Variants in SLC17A1 observed in about 807,000 individuals in gnomAD.
The protein encoded by SLC17A1 is sodium-dependent phosphate transport protein 1.
Under a neutral mutation model 53.5 loss-of-function variants are expected in SLC17A1, and 51 were observed. The ratio of observed to expected loss-of-function variants is 0.95; its 90% CI spans 0.76 to 1.20. SLC17A1 has a LOEUF of 1.20. SLC17A1 is among the 50% of genes most tolerant of loss of function. SLC17A1 has a pLI of 0.00. For missense variants in SLC17A1, 538 were observed against 568.2 expected, an observed-to-expected ratio of 0.95 and a Z score of 0.54; for synonymous variants, 179 against 198.8, an observed-to-expected ratio of 0.90 and a Z score of 0.84.
At chr6:25,726,891 C>T in the SLC17A1 span, 20 of 1,603,736 alleles carry the variant, frequency 1.2e-5, no homozygotes, top group South Asian at 2.3e-5. Context: ...TGTAACGCTG[C>T]AGAAGTGTGT....
At chr6:25,733,260 G>A in the SLC17A1 span, among the ~76,000 whole-genome samples, 1 of 152,174 alleles carries the variant, frequency 6.6e-6, no homozygotes, top group Non-Finnish European at 1.5e-5. Context: ...AAAATAATGT[G>A]AAGATGGGGA....
chr6:25,770,492 C>G, the SLC17A1 span: 1 of 1,607,242 alleles, frequency 6.2e-7, no homozygotes, highest in East Asian at 2.2e-5. Flanking sequence ...CCCTAAACCT[C>G]ACTTTACATG....
downstream of SLC17A1, among the ~76,000 whole-genome samples, chr6:25,778,323 GA>G (rs1763110552): frequency 6.6e-6 from 1 of 151,328 alleles, no homozygotes; most frequent in Non-Finnish European, 1.5e-5. Flanking sequence ...GAAAGTTAAA[GA>G]ATGACTTTCC....
the SLC17A1 span, among the ~76,000 whole-genome samples, chr6:25,728,189 G>A: frequency 3.3e-5 from 5 of 152,186 alleles, no homozygotes; most frequent in Non-Finnish European, 7.4e-5. Flanking sequence ...AGGAAGTTAC[G>A]TTTTGTGCCA....
At chr6:25,806,990 C>T (rs1763978681) in intron 10 of SLC17A1, among the ~76,000 whole-genome samples, 1 of 152,072 alleles carries the variant, frequency 6.6e-6, no homozygotes, top group African/African-American at 2.4e-5. Context: ...TACCTTACTC[C>T]TGGAAGAATG....
chr6:25,812,365 C>G (rs911850517), intron 8 of SLC17A1, among the ~76,000 whole-genome samples: 1 of 152,126 alleles, frequency 6.6e-6, no homozygotes, highest in African/African-American at 2.4e-5. Flanking sequence ...ATTCTCCAAG[C>G]CAGATGAGCA....
At chr6:25,783,620 G>C (rs186078983) in intron 12 of SLC17A1, among the ~76,000 whole-genome samples, 1 of 152,174 alleles carries the variant, frequency 6.6e-6, no homozygotes, top group African/African-American at 2.4e-5. Flanking sequence ...CACACCAGTG[G>C]GGTTTGACAC....
At chr6:25,743,092 A>C in the SLC17A1 span, among the ~76,000 whole-genome samples, 6 of 152,214 alleles carry the variant, frequency 3.9e-5, no homozygotes, top group Non-Finnish European at 7.3e-5. Context: ...AATGAATGAG[A>C]ATCATCTCCA....
chr6:25,804,565 C>T (rs949139369), intron 10 of SLC17A1, among the ~76,000 whole-genome samples: 2 of 152,012 alleles, frequency 1.3e-5, no homozygotes, highest in African/African-American at 4.8e-5. Context: ...GGTCTAAATG[C>T]TCCACTTAAA....
chr6:25,731,859 A>T, the SLC17A1 span: 11 of 1,602,992 alleles, frequency 6.9e-6, no homozygotes, highest in Non-Finnish European at 9.4e-6. Flanking sequence ...CCCAGGCAGC[A>T]GCAGGCGCAC....
the SLC17A1 span, chr6:25,726,983 AAAGG>A: frequency 6.8e-6 from 11 of 1,614,074 alleles, no homozygotes; most frequent in African/African-American, 1.5e-4. Context: ...AGACCCAGAA[AAAGG>A]AAGGCAAAAA....
the SLC17A1 span, among the ~76,000 whole-genome samples, chr6:25,775,297 A>G: frequency 1.3e-5 from 2 of 149,306 alleles, no homozygotes; most frequent in Non-Finnish European, 1.5e-5. Context: ...ATGACATTGC[A>G]CTCCAGCCTG....
rs145050779 is a variant in SLC17A1, at chr6:25,813,560, G to GTTGTT, written c.617-352_617-348dup. ...CTGCACAGGGCTTGACAATTGCCCA[G>GTTGTT]TTGTTTTGTTTTGTTTTGTTTTTAA... On this transcript the variant is annotated intron_variant, in intron 6 of 12. Transcript: ENST00000244527. Among the ~76,000 whole-genome samples the GTTGTT allele has an allele frequency of 4.6e-5, 7 of 152,268 alleles. No individual in the cohort carries two copies. The South Asian group carries it at 6.2e-4, about 14-fold the overall frequency.
the SLC17A1 span, chr6:25,727,418 C>T: frequency 1.8e-5 from 12 of 665,268 alleles, no homozygotes; most frequent in African/African-American, 9.8e-5. Context: ...TTTTTTGAGG[C>T]GGAGTCTCAC....
chr6:25,784,866 C>T (rs1018065795), intron 12 of SLC17A1, among the ~76,000 whole-genome samples: 8 of 152,086 alleles, frequency 5.3e-5, no homozygotes, highest in Non-Finnish European at 7.3e-5. Flanking sequence ...ACAAAGATGT[C>T]TACTCTAGCC....
chr6:25,820,295 A>C (rs1226307621), intron 3 of SLC17A1, among the ~76,000 whole-genome samples: 1 of 152,154 alleles, frequency 6.6e-6, no homozygotes, highest in Non-Finnish European at 1.5e-5. Flanking sequence ...TGCAGTTGTG[A>C]ATTTCCTCTT....
intron 11 of SLC17A1, among the ~76,000 whole-genome samples, chr6:25,799,345 G>T (rs1420304544): frequency 6.6e-6 from 1 of 151,488 alleles, no homozygotes; most frequent in Non-Finnish European, 1.5e-5. Flanking sequence ...ATTTTGTTAA[G>T]ATTTATTACT....
intron 10 of SLC17A1, 126 bp downstream of exon 10, chr6:25,811,271 AT>A: frequency 9.9e-7 from 1 of 1,011,524 alleles, no homozygotes; most frequent in Non-Finnish European, 1.5e-6. Context: ...GGTAATGCAT[AT>A]GTTACTTTGC....
the SLC17A1 span, among the ~76,000 whole-genome samples, chr6:25,750,825 G>A: frequency 4.6e-5 from 7 of 152,148 alleles, no homozygotes; most frequent in South Asian, 2.1e-4. Context: ...AATTTTTTTT[G>A]TCAGCAATGG....
Sources: allele counts gnomAD v4.1 joint callset (sites outside exome capture counted in the v4.1 genomes callset), GRCh38; gene constraint gnomAD v4.1.1; transcripts MANE v1.5; gene names NCBI Gene and HGNC (gene_info 2026-07-23, HGNC 2026-07-21).